SLC24A3: variants seen among roughly 807,000 people sequenced by gnomAD.
SLC24A3 encodes the protein sodium/potassium/calcium exchanger 3.
Under a neutral mutation model 75.8 loss-of-function variants are expected in SLC24A3, and 28 were observed. That is an observed-to-expected ratio of 0.37 (90% CI 0.27 to 0.51). The LOEUF (loss-of-function observed/expected upper bound fraction) is 0.51. SLC24A3 is among the 20% of genes least tolerant of loss of function. The pLI, the probability that SLC24A3 is intolerant of heterozygous loss-of-function variation, is 0.94. For missense variants in SLC24A3, 663 were observed against 847.8 expected (o/e 0.78, Z 2.71); for synonymous variants, 372 against 334.1 (o/e 1.11, Z -1.24).
intron 2 of SLC24A3, among the ~76,000 whole-genome samples, chr20:19,303,987 T>C (rs1317376527): frequency 6.6e-6 from 1 of 152,164 alleles, no homozygotes; most frequent in Admixed American, 6.5e-5. Context: ...AGGCCATGGG[T>C]GACCTTATCT....
chr20:19,445,623 A>G (rs1178823529), intron 2 of SLC24A3, among the ~76,000 whole-genome samples: 1 of 152,232 alleles, frequency 6.6e-6, no homozygotes, highest in African/African-American at 2.4e-5. Flanking sequence ...TAGAGCACAC[A>G]TGGGGAAGTG....
intron 2 of SLC24A3, among the ~76,000 whole-genome samples, chr20:19,415,572 C>G (rs922931438): frequency 2.6e-5 from 4 of 152,098 alleles, no homozygotes; most frequent in Non-Finnish European, 5.9e-5. Flanking sequence ...TCAAAACTAA[C>G]TCTGGGCTCA....
At chr20:19,226,614 T>C (rs978686776) in intron 1 of SLC24A3, among the ~76,000 whole-genome samples, 2 of 152,212 alleles carry the variant, frequency 1.3e-5, no homozygotes, top group African/African-American at 4.8e-5. Flanking sequence ...ATGTAATGTT[T>C]ATTGGGCATT....
intron 15 of SLC24A3, among the ~76,000 whole-genome samples, chr20:19,709,017 T>G (rs2032960503): frequency 6.6e-6 from 1 of 151,862 alleles, no homozygotes; most frequent in South Asian, 2.1e-4. Context: ...GGGGGAGCAG[T>G]ATGAGAGTGG....
chr20:19,626,362 T>C (rs2031866156), intron 6 of SLC24A3, among the ~76,000 whole-genome samples: 1 of 152,208 alleles, frequency 6.6e-6, no homozygotes, highest in Non-Finnish European at 1.5e-5. Context: ...TCATTTTTCC[T>C]GATGATGAAA....
chr20:19,375,507 T>C (rs1175743285), intron 2 of SLC24A3, among the ~76,000 whole-genome samples: 3 of 152,216 alleles, frequency 2.0e-5, no homozygotes, highest in Admixed American at 1.3e-4. Flanking sequence ...TCAGAGCTGC[T>C]GGCCTGGGAA....
chr20:19,282,633 A>C (rs1396078783), intron 2 of SLC24A3, among the ~76,000 whole-genome samples: 2 of 152,254 alleles, frequency 1.3e-5, no homozygotes, highest in African/African-American at 4.8e-5. Flanking sequence ...CCAACTAATA[A>C]GCTAATTAGG....
intron 2 of SLC24A3, among the ~76,000 whole-genome samples, chr20:19,432,064 A>G (rs1987113081): frequency 6.6e-6 from 1 of 152,122 alleles, no homozygotes; most frequent in Admixed American, 6.5e-5. Context: ...AACTACCTGA[A>G]TTCTCTCAGC....
intron 2 of SLC24A3, among the ~76,000 whole-genome samples, chr20:19,413,608 A>C (rs901187669): frequency 5.3e-5 from 8 of 152,012 alleles, no homozygotes; most frequent in African/African-American, 1.9e-4. Flanking sequence ...ATCACCTTTC[A>C]CTTTCCCCCC....
intron 6 of SLC24A3, among the ~76,000 whole-genome samples, chr20:19,592,789 C>G (rs370947140): frequency 2.6e-4 from 16 of 60,720 alleles, no homozygotes; most frequent in African/African-American, 7.0e-4. Context: ...AATTTTCTTT[C>G]TTTCTTTCTT....
At chr20:19,268,317 T>C (rs1187170711) in intron 1 of SLC24A3, among the ~76,000 whole-genome samples, 1 of 152,212 alleles carries the variant, frequency 6.6e-6, no homozygotes, top group Non-Finnish European at 1.5e-5. Context: ...GTATTTCTTA[T>C]TTTTAGAGTG....
chr20:19,465,564 A>G (rs6035348), intron 2 of SLC24A3, among the ~76,000 whole-genome samples: 3,786 of 152,236 alleles, frequency 0.025, 151 homozygotes, highest in African/African-American at 0.086. Context: ...TAGTGATTCT[A>G]TAGAACAGGA....
chr20:19,693,160 G>A, intron 12 of SLC24A3, 99 bp from the exon 13 acceptor site: 1 of 1,281,822 alleles, frequency 7.8e-7, no homozygotes, highest in Admixed American at 2.8e-5. Context: ...TAATTCTGGG[G>A]AAAGCAGTAC....
chr20:19,469,075 G>C (rs1400476247), intron 2 of SLC24A3, among the ~76,000 whole-genome samples: 1 of 152,138 alleles, frequency 6.6e-6, no homozygotes, highest in Non-Finnish European at 1.5e-5. Context: ...AGGAGGGGCA[G>C]AGAGCATGAT....
At chr20:19,481,549 A>T (rs952371073) in intron 2 of SLC24A3, among the ~76,000 whole-genome samples, 1 of 152,198 alleles carries the variant, frequency 6.6e-6, no homozygotes, top group African/African-American at 2.4e-5. Context: ...CTCTGACTTC[A>T]GCTGGGTGCC....
chr20:19,458,326 T>C (rs1987614539), intron 2 of SLC24A3, among the ~76,000 whole-genome samples: 1 of 152,236 alleles, frequency 6.6e-6, no homozygotes, highest in African/African-American at 2.4e-5. Flanking sequence ...TTTAGCAGAC[T>C]GTGTTTTTAA....
chr20:19,718,861 T>C (rs2033069799), intron 16 of SLC24A3, among the ~76,000 whole-genome samples: 1 of 152,146 alleles, frequency 6.6e-6, no homozygotes, highest in Admixed American at 6.5e-5. Flanking sequence ...CACCATAGTG[T>C]AGATGGTATT....
intron 1 of SLC24A3, among the ~76,000 whole-genome samples, chr20:19,241,368 G>A (rs1187298439): frequency 6.6e-6 from 1 of 152,198 alleles, no homozygotes; most frequent in Non-Finnish European, 1.5e-5. Flanking sequence ...AGTGCCCCAT[G>A]TAGCTCAGAG....
chr20:19,355,275 T>C (rs772445575), intron 2 of SLC24A3: 1 of 152,228 alleles, frequency 6.6e-6, no homozygotes, highest in Non-Finnish European at 1.5e-5. Flanking sequence ...CTTTATCCAC[T>C]AGCTCGGTTC....
Sources: gnomAD v4.1 joint callset for allele counts (sites outside exome capture counted in the v4.1 genomes callset) on GRCh38, gnomAD v4.1.1 for gene constraint, MANE v1.5 for transcripts, NCBI Gene and HGNC (gene_info 2026-07-23, HGNC 2026-07-21) for gene names.